Variants in AGBL4 observed in about 807,000 individuals in gnomAD.
The protein encoded by AGBL4 is AGBL carboxypeptidase 4, also known as cytosolic carboxypeptidase 6.
In AGBL4, 58 loss-of-function variants were observed where a neutral mutation model predicts 66.4. That is an observed-to-expected ratio of 0.87 (90% CI 0.71 to 1.09). The LOEUF (loss-of-function observed/expected upper bound fraction) is 1.09. Among genes scored for constraint, AGBL4 ranks in the 50% least tolerant of loss-of-function variants. The probability of loss-of-function intolerance (pLI) is 0.00; values close to 1 mark genes in which losing one functional copy is unlikely to be tolerated. For missense variants in AGBL4, 579 were observed against 631.0 expected (o/e 0.92, Z 0.88); for synonymous variants, 234 against 222.9 (o/e 1.05, Z -0.44).
intron 10 of AGBL4, among the ~76,000 whole-genome samples, chr1:48,589,463 A>T (rs1644878987): frequency 6.6e-6 from 1 of 152,210 alleles, no homozygotes; most frequent in Admixed American, 6.5e-5. Flanking sequence ...CTCTGGCCAC[A>T]TGGAAATAAC....
chr1:48,987,788 G>C (rs1008289025), intron 5 of AGBL4, among the ~76,000 whole-genome samples: 1 of 152,054 alleles, frequency 6.6e-6, no homozygotes, highest in African/African-American at 2.4e-5. Context: ...TGAAAAACCT[G>C]ATGGAATCTA....
At chr1:48,814,805 T>G (rs1646137072) in intron 6 of AGBL4, among the ~76,000 whole-genome samples, 1 of 151,618 alleles carries the variant, frequency 6.6e-6, no homozygotes, top group African/African-American at 2.4e-5. Context: ...TATCCATTCA[T>G]CTGTTGTTGG....
intron 3 of AGBL4, among the ~76,000 whole-genome samples, chr1:49,486,840 T>C (rs1044247419): frequency 3.9e-5 from 6 of 152,024 alleles, no homozygotes; most frequent in Non-Finnish European, 8.8e-5. Context: ...GCTAGCCCCA[T>C]GTCTGTGTCT....
intron 6 of AGBL4, among the ~76,000 whole-genome samples, chr1:48,789,426 C>A (rs1217994408): frequency 6.6e-6 from 1 of 151,960 alleles, no homozygotes; most frequent in African/African-American, 2.4e-5. Context: ...GTAACTGGGA[C>A]TACAGGCGCC....
intron 5 of AGBL4, among the ~76,000 whole-genome samples, chr1:49,038,261 T>C (rs931175220): frequency 3.3e-5 from 5 of 152,082 alleles, no homozygotes; most frequent in Admixed American, 2.6e-4. Context: ...CATATGCACA[T>C]AGGCAACACA....
intron 6 of AGBL4, among the ~76,000 whole-genome samples, chr1:48,669,977 T>C (rs1274911072): frequency 6.6e-6 from 1 of 152,248 alleles, no homozygotes. Context: ...AGACTCATTA[T>C]GCTTCAGGGT....
At chr1:49,317,826 T>C (rs1645066629) in intron 3 of AGBL4, among the ~76,000 whole-genome samples, 1 of 152,068 alleles carries the variant, frequency 6.6e-6, no homozygotes, top group Non-Finnish European at 1.5e-5. Flanking sequence ...AGATGTCAGC[T>C]TCAACTAATA....
At chr1:49,836,372 T>C (rs1019568296) in intron 2 of AGBL4, among the ~76,000 whole-genome samples, 3 of 152,204 alleles carry the variant, frequency 2.0e-5, no homozygotes, top group African/African-American at 7.2e-5. Context: ...AATTCATCTA[T>C]TGATACTTGT....
intron 3 of AGBL4, among the ~76,000 whole-genome samples, chr1:49,585,761 T>C (rs1249368734): frequency 3.9e-5 from 6 of 152,202 alleles, no homozygotes; most frequent in African/African-American, 1.4e-4. Flanking sequence ...AGATAACTAA[T>C]ACAGATTCTG....
Position 49,851,642 on chromosome 1 carries a change from C to T in AGBL4, c.35-124G>A, listed in dbSNP as rs1385693444. ...TAACCCAAGCAAAAAGAAGTTAACA[C>T]CACATTGTGGTACAGTGAAAAAAGG... On this transcript the variant is annotated intron_variant, in intron 1 of 13. Transcript: ENST00000371839. 5.3e-6 allele frequency: 5 copies of T among 946,380 alleles called. No homozygotes were observed. The East Asian group carries it at 8.3e-5, about 16-fold the overall frequency. 58.6% of individuals were successfully genotyped at this position (946,380 alleles called of 1,614,324 possible).
intron 11 of AGBL4, among the ~76,000 whole-genome samples, chr1:48,571,972 G>A (rs1478270730): frequency 3.3e-5 from 5 of 152,122 alleles, no homozygotes; most frequent in Non-Finnish European, 5.9e-5. Flanking sequence ...CCCAAAAACA[G>A]TTCCTTCAAG....
At chr1:49,852,547 T>G (rs529882529) in intron 1 of AGBL4, among the ~76,000 whole-genome samples, 1 of 152,006 alleles carries the variant, frequency 6.6e-6, no homozygotes, top group Non-Finnish European at 1.5e-5. Flanking sequence ...GAGAGACTTC[T>G]GTAATAGGAA....
chr1:49,817,199 C>A (rs1645253362), intron 2 of AGBL4, among the ~76,000 whole-genome samples: 1 of 151,994 alleles, frequency 6.6e-6, no homozygotes, highest in African/African-American at 2.4e-5. Context: ...GCCAGTCAAC[C>A]CTATGGCAGG....
chr1:48,931,015 A>AG (rs1166031149), intron 5 of AGBL4, among the ~76,000 whole-genome samples: 1 of 152,176 alleles, frequency 6.6e-6, no homozygotes, highest in African/African-American at 2.4e-5. Flanking sequence ...TATATAGTCT[A>AG]ATTTAATTCT....
chr1:49,614,584 A>T (rs1241353572), intron 3 of AGBL4, among the ~76,000 whole-genome samples: 2 of 152,184 alleles, frequency 1.3e-5, no homozygotes, highest in Non-Finnish European at 2.9e-5. Flanking sequence ...TACAAGAGCA[A>T]AAGGCATATG....
chr1:49,600,017 G>C (rs752734758), intron 3 of AGBL4, among the ~76,000 whole-genome samples: 107 of 152,174 alleles, frequency 7.0e-4, no homozygotes, highest in Non-Finnish European at 1.1e-3. Flanking sequence ...GCTGAGGAGT[G>C]TTTTACTTCC....
At chr1:48,747,503 T>C (rs1650958373) in intron 6 of AGBL4, among the ~76,000 whole-genome samples, 1 of 152,232 alleles carries the variant, frequency 6.6e-6, no homozygotes, top group African/African-American at 2.4e-5. Flanking sequence ...GTTCCTGTTC[T>C]GGGGAAGTTC....
chr1:48,671,355 A>G (rs1646273751), intron 6 of AGBL4, among the ~76,000 whole-genome samples: 2 of 152,256 alleles, frequency 1.3e-5, no homozygotes, highest in Non-Finnish European at 2.9e-5. Context: ...GAGAAGTCAG[A>G]CACTGTCCCT....
At chr1:49,690,650 A>G in intron 3 of AGBL4, among the ~76,000 whole-genome samples, 1 of 152,220 alleles carries the variant, frequency 6.6e-6, no homozygotes, top group East Asian at 1.9e-4. Flanking sequence ...GGCTTAGAAC[A>G]CTACTTATGA....
Sources: gnomAD v4.1 joint callset for allele counts (sites outside exome capture counted in the v4.1 genomes callset) on GRCh38, gnomAD v4.1.1 for gene constraint, MANE v1.5 for transcripts, NCBI Gene and HGNC (gene_info 2026-07-23, HGNC 2026-07-21) for gene names.